The following DAB1 variants were observed in gnomAD, a reference collection of about 807,000 sequenced individuals.
DAB1 encodes the protein DAB adaptor protein 1, also known as disabled homolog 1.
A neutral mutation model predicts 64.6 loss-of-function variants in DAB1; 15 were observed. That is an observed-to-expected ratio of 0.23 (90% CI 0.16 to 0.36). DAB1 has a LOEUF of 0.36. Ranked by LOEUF, DAB1 falls within the 10% of genes least tolerant of loss-of-function variation. The pLI is 1.00. For synonymous variants in DAB1, 235 were observed against 251.9 expected (o/e 0.93, Z 0.64); for missense variants, 596 against 706.7 (o/e 0.84, Z 1.78).
chr1:58,453,190 G>A (rs558429879), intron 3 of DAB1, among the ~76,000 whole-genome samples: 2 of 152,192 alleles, frequency 1.3e-5, no homozygotes, highest in African/African-American at 4.8e-5. Flanking sequence ...AAACACTAGT[G>A]AGAGAGAACT....
At chr1:57,217,897 G>A (rs1012085646) in intron 2 of DAB1, among the ~76,000 whole-genome samples, 2 of 151,900 alleles carry the variant, frequency 1.3e-5, no homozygotes, top group Non-Finnish European at 2.9e-5. Flanking sequence ...CTGCAGGGGC[G>A]TAATCACCGT....
chr1:57,708,795 G>A (rs1429493496), intron 6 of DAB1, among the ~76,000 whole-genome samples: 1 of 152,004 alleles, frequency 6.6e-6, no homozygotes, highest in Non-Finnish European at 1.5e-5. Flanking sequence ...CTGCTGCTTG[G>A]GTTTGAGGGA....
intron 8 of DAB1, among the ~76,000 whole-genome samples, chr1:57,066,134 G>A (rs536333511): frequency 3.3e-5 from 5 of 152,208 alleles, no homozygotes; most frequent in African/African-American, 1.2e-4. Context: ...AACGATACTT[G>A]ACAAGGATTG....
chr1:57,763,403 C>T (rs867149807), intron 6 of DAB1, among the ~76,000 whole-genome samples: 8 of 152,056 alleles, frequency 5.3e-5, no homozygotes, highest in Middle Eastern at 6.3e-3. Context: ...CTAGGCTGGG[C>T]GTGGTGGCTT....
intron 1 of DAB1, among the ~76,000 whole-genome samples, chr1:57,318,312 A>C (rs868827452): frequency 6.6e-6 from 1 of 152,158 alleles, no homozygotes. Context: ...GAAAAAGAAA[A>C]TTGGTTGTTT....
chr1:57,056,146 T>G (rs981219203), intron 9 of DAB1, among the ~76,000 whole-genome samples: 3 of 152,028 alleles, frequency 2.0e-5, no homozygotes, highest in Non-Finnish European at 4.4e-5. Context: ...CAAGTTGTTC[T>G]GATGCCAAAG....
intron 6 of DAB1, among the ~76,000 whole-genome samples, chr1:57,713,155 T>C (rs1246959957): frequency 6.6e-6 from 1 of 152,166 alleles, no homozygotes; most frequent in African/African-American, 2.4e-5. Context: ...TATGAATTTA[T>C]TACTTACTCT....
At chr1:58,455,868 G>C (rs1569822665) in intron 3 of DAB1, among the ~76,000 whole-genome samples, 1 of 152,170 alleles carries the variant, frequency 6.6e-6, no homozygotes, top group African/African-American at 2.4e-5. Flanking sequence ...AGAGCTGTGA[G>C]GTCAATCAGA....
intron 7 of DAB1, among the ~76,000 whole-genome samples, chr1:57,434,873 T>A (rs531063757): frequency 4.2e-4 from 64 of 152,238 alleles, no homozygotes; most frequent in African/African-American, 1.5e-3. Context: ...GCACTTACTA[T>A]GAATGGAGAT....
chr1:57,591,085 C>T (rs921871071), intron 7 of DAB1, among the ~76,000 whole-genome samples: 14 of 152,106 alleles, frequency 9.2e-5, no homozygotes, highest in Non-Finnish European at 1.3e-4. Flanking sequence ...GTTGTCTGAA[C>T]CTGCCATGAA....
intron 1 of DAB1, among the ~76,000 whole-genome samples, chr1:57,411,095 G>T (rs1302983542): frequency 6.6e-6 from 1 of 152,202 alleles, no homozygotes; most frequent in Non-Finnish European, 1.5e-5. Flanking sequence ...GACAGAGAGA[G>T]AATTGGCAGA....
intron 4 of DAB1, among the ~76,000 whole-genome samples, chr1:57,091,700 T>A (rs1653695837): frequency 6.6e-6 from 1 of 152,220 alleles, no homozygotes; most frequent in Non-Finnish European, 1.5e-5. Context: ...GCTAAAGATT[T>A]ATCTTTTCTG....
At chr1:57,313,334 A>C (rs1408541870) in intron 1 of DAB1, among the ~76,000 whole-genome samples, 1 of 152,222 alleles carries the variant, frequency 6.6e-6, no homozygotes, top group African/African-American at 2.4e-5. Context: ...GGACCTGAGC[A>C]CTGCTTCTTT....
At chr1:57,050,240 A>G (rs939522573) in intron 9 of DAB1, among the ~76,000 whole-genome samples, 3 of 152,192 alleles carry the variant, frequency 2.0e-5, no homozygotes, top group African/African-American at 7.2e-5. Context: ...ATACACTTAG[A>G]TGATTCCATT....
At chr1:57,076,252 G>GC (rs1226900803) in intron 4 of DAB1, among the ~76,000 whole-genome samples, 1 of 152,204 alleles carries the variant, frequency 6.6e-6, no homozygotes, top group Non-Finnish European at 1.5e-5. Flanking sequence ...GAGAATACCG[G>GC]CCGGAGTGGG....
intron 9 of DAB1, among the ~76,000 whole-genome samples, chr1:57,036,610 A>G (rs1398062169): frequency 6.6e-6 from 1 of 152,230 alleles, no homozygotes; most frequent in Non-Finnish European, 1.5e-5. Context: ...ATTCATTTAT[A>G]TTAAAGTCTT....
intron 4 of DAB1, among the ~76,000 whole-genome samples, chr1:58,184,317 T>C (rs1191046505): frequency 1.3e-5 from 2 of 148,548 alleles, no homozygotes; most frequent in African/African-American, 2.4e-5. Context: ...ATATTAATAA[T>C]ATATATATAA....
At chr1:58,207,505 T>C (rs1289344051) in intron 4 of DAB1, among the ~76,000 whole-genome samples, 1 of 152,236 alleles carries the variant, frequency 6.6e-6, no homozygotes, top group East Asian at 1.9e-4. Flanking sequence ...ATTGGGAATA[T>C]ACAGCCTAGA....
intron 5 of DAB1, chr1:58,049,330 G>A (rs1373191837): frequency 3.3e-5 from 21 of 644,790 alleles, no homozygotes; most frequent in East Asian, 5.2e-5. Flanking sequence ...ATGCTTCTTC[G>A]GCGGCATCCA....
Sources: gnomAD v4.1 joint callset for allele counts (sites outside exome capture counted in the v4.1 genomes callset) on GRCh38, gnomAD v4.1.1 for gene constraint, MANE v1.5 for transcripts, NCBI Gene and HGNC (gene_info 2026-07-23, HGNC 2026-07-21) for gene names.